The following METTL25 variants were observed in gnomAD, a reference collection of about 807,000 sequenced individuals.
METTL25 encodes methyltransferase like 25.
Under a neutral mutation model 71.6 loss-of-function variants are expected in METTL25, and 64 were observed. The observed-to-expected ratio is 0.89, with a 90% CI of 0.73 to 1.10. The LOEUF (loss-of-function observed/expected upper bound fraction) is 1.10. METTL25 is among the 50% of genes least tolerant of loss of function. The pLI, the probability that METTL25 is intolerant of heterozygous loss-of-function variation, is 0.00. For missense variants in METTL25, 807 were observed against 707.0 expected (o/e 1.14, Z -1.60); for synonymous variants, 287 against 250.3 (o/e 1.15, Z -1.38).
At chr12:82,438,898 C>T (rs1373613711) in intron 8 of METTL25, 107 bp downstream of exon 8, 2 of 1,043,972 alleles carry the variant, frequency 1.9e-6, no homozygotes, top group Non-Finnish European at 2.5e-6. Context: ...GTAGAAGCAA[C>T]TTTGAATTTG....
chr12:82,476,327 T>G (rs1948725216), intron 9 of METTL25: 1 of 212,588 alleles, frequency 4.7e-6, no homozygotes, highest in African/African-American at 2.3e-5. Context: ...AAAAAATGTT[T>G]GATCTCCTCC....
intron 5 of METTL25, among the ~76,000 whole-genome samples, chr12:82,420,740 G>A (rs1480801679): frequency 2.0e-5 from 3 of 152,116 alleles, no homozygotes; most frequent in Non-Finnish European, 4.4e-5. Context: ...AGCAGATCAT[G>A]TAGGATTTTG....
At chr12:82,365,316 CTTTA>C (rs1283360022) in intron 1 of METTL25, among the ~76,000 whole-genome samples, 9 of 152,102 alleles carry the variant, frequency 5.9e-5, no homozygotes, top group African/African-American at 1.9e-4. Flanking sequence ...AAATATAGTA[CTTTA>C]TTTAGTACAT....
intron 5 of METTL25, among the ~76,000 whole-genome samples, chr12:82,418,588 T>C (rs775723734): frequency 1.2e-4 from 19 of 152,152 alleles, no homozygotes; most frequent in Non-Finnish European, 1.8e-4. Flanking sequence ...ATATTTCTCA[T>C]CTTGTTTAGT....
intron 5 of METTL25, among the ~76,000 whole-genome samples, chr12:82,428,631 A>G (rs559628666): frequency 1.2e-3 from 184 of 151,920 alleles, no homozygotes; most frequent in African/African-American, 4.4e-3. Flanking sequence ...ATTGTAACTG[A>G]AATTGTTTGT....
chr12:82,425,863 A>G (rs543891150), intron 5 of METTL25, among the ~76,000 whole-genome samples: 2 of 152,214 alleles, frequency 1.3e-5, no homozygotes, highest in East Asian at 3.9e-4. Context: ...ACAAGAAGGA[A>G]TAACTAGTAC....
chr12:82,425,597 A>G (rs1888948800), intron 5 of METTL25, among the ~76,000 whole-genome samples: 1 of 152,104 alleles, frequency 6.6e-6, no homozygotes, highest in Non-Finnish European at 1.5e-5. Context: ...TGAGGGAAAC[A>G]AGAGCTGCTG....
At chr12:82,381,102 A>G (rs975733844) in intron 1 of METTL25, among the ~76,000 whole-genome samples, 10 of 152,238 alleles carry the variant, frequency 6.6e-5, no homozygotes, top group Admixed American at 1.3e-4. Context: ...CTCATAGACA[A>G]TCGTAAGTTA....
intron 11 of METTL25, 124 bp from the exon 12 acceptor site, chr12:82,478,808 A>G (rs1157691066): frequency 1.4e-6 from 1 of 728,544 alleles, no homozygotes; most frequent in Non-Finnish European, 2.2e-6. Flanking sequence ...AACAAAGCAT[A>G]AGAATTTTCT....
intron 5 of METTL25, among the ~76,000 whole-genome samples, chr12:82,418,752 T>C (rs974708893): frequency 6.6e-6 from 1 of 152,214 alleles, no homozygotes; most frequent in Non-Finnish European, 1.5e-5. Flanking sequence ...TTGACCACCA[T>C]TTCAAGATAA....
Position 82,358,545 on chromosome 12 carries a change from C to A in METTL25, c.-21C>A, listed in dbSNP as rs1408167436. ...CTCACGGCCATGTTTGCGCCACCTA[C>A]AGCCTCGGAGGGTGAGCGTCATGGC... On this transcript the variant is annotated 5_prime_UTR_variant, in exon 1 of 12. Coordinates refer to ENST00000248306, the MANE Select transcript of METTL25 (RefSeq NM_032230.3). 1.2e-6 allele frequency: 2 copies of A among 1,605,338 alleles called. No homozygotes were observed. Among genetic ancestry groups the A allele is most frequent in the Admixed American group, 1.7e-5 (1 of 59,958 alleles).
At chr12:82,377,035 C>A (rs879389521) in intron 1 of METTL25, among the ~76,000 whole-genome samples, 4 of 152,018 alleles carry the variant, frequency 2.6e-5, no homozygotes, top group Admixed American at 2.6e-4. Flanking sequence ...CTCTCTTGAA[C>A]CCAGGAGGCA....
At chr12:82,423,530 A>G (rs1009789468) in intron 5 of METTL25, among the ~76,000 whole-genome samples, 11 of 152,362 alleles carry the variant, frequency 7.2e-5, no homozygotes, top group African/African-American at 2.6e-4. Context: ...ACAAAAGCCA[A>G]AATTGACAAA....
intron 6 of METTL25, 54 bp from the exon 7 acceptor site, chr12:82,434,641 A>G (rs1436057103): frequency 4.7e-6 from 3 of 637,406 alleles, no homozygotes; most frequent in African/African-American, 1.2e-4. Flanking sequence ...GTGTGTTTAT[A>G]AATCTTATAA....
chr12:82,387,947 T>A (rs187049440), intron 2 of METTL25, among the ~76,000 whole-genome samples: 8 of 146,506 alleles, frequency 5.5e-5, no homozygotes, highest in African/African-American at 1.1e-4. Context: ...TTTAGAGCCA[T>A]TTTTTTTTCT....
Position 82,358,724 on chromosome 12 carries a change from G to C in METTL25, c.159G>C (p.Leu53Phe), listed in dbSNP as rs766216026. Residue 53 changes from leucine to phenylalanine, a missense_variant, in exon 1 of 12, where the codon TTG (leucine) becomes TTC (phenylalanine). Coordinates refer to ENST00000248306, the MANE Select transcript of METTL25 (RefSeq NM_032230.3). Reference sequence around the variant, plus strand: ...CCGTGTGGGAGGAGCTGGTCGACTTGCCACCGGAGACAGTGCTGGCTGCGC... The same window carrying C: ...CCGTGTGGGAGGAGCTGGTCGACTTCCCACCGGAGACAGTGCTGGCTGCGC... ...TESVWEELVD[L>F]PPETVLAALR... 4.3e-6 allele frequency: 7 copies of C among 1,614,074 alleles called. No homozygotes were observed. In the East Asian group the frequency reaches 1.6e-4, roughly 36 times the overall value.
intron 5 of METTL25, among the ~76,000 whole-genome samples, chr12:82,428,163 G>T (rs1356617812): frequency 1.3e-5 from 2 of 151,852 alleles, no homozygotes; most frequent in African/African-American, 2.4e-5. Context: ...TTAAGTACGT[G>T]ACCTGGAATT....
chr12:82,404,813 G>A (rs563379712), intron 5 of METTL25, among the ~76,000 whole-genome samples: 44 of 152,182 alleles, frequency 2.9e-4, no homozygotes, highest in Middle Eastern at 6.8e-3. Context: ...CCATGGTGGT[G>A]GACGCCTGTA....
intron 6 of METTL25, among the ~76,000 whole-genome samples, chr12:82,433,851 C>T (rs1468247327): frequency 6.6e-6 from 1 of 151,378 alleles, no homozygotes; most frequent in Non-Finnish European, 1.5e-5. Flanking sequence ...ATCTCTTATA[C>T]ATTTATTACT....
Sources: allele counts gnomAD v4.1 joint callset (sites outside exome capture counted in the v4.1 genomes callset), GRCh38; gene constraint gnomAD v4.1.1; transcripts MANE v1.5; gene names NCBI Gene and HGNC (gene_info 2026-07-23, HGNC 2026-07-21).